The following CCDC88A variants were observed in gnomAD, a reference collection of about 807,000 sequenced individuals.
The protein encoded by CCDC88A is coiled-coil and HOOK domain protein 88A.
Under a neutral mutation model 234.3 loss-of-function variants are expected in CCDC88A, and 54 were observed. The ratio of observed to expected loss-of-function variants is 0.23; its 90% CI spans 0.19 to 0.29. The LOEUF (loss-of-function observed/expected upper bound fraction) is 0.29, where lower values mean the gene tolerates loss of function less well. Among genes scored for constraint, CCDC88A ranks in the 10% least tolerant of loss-of-function variants. The pLI, the probability that CCDC88A is intolerant of heterozygous loss-of-function variation, is 1.00. For synonymous variants in CCDC88A, 753 were observed against 737.8 expected, an observed-to-expected ratio of 1.02 and a Z score of -0.33; for missense variants, 1,832 against 2,123.4, an observed-to-expected ratio of 0.86 and a Z score of 2.70.
intron 3 of CCDC88A, among the ~76,000 whole-genome samples, chr2:55,376,186 T>C (rs1673635036): frequency 6.6e-6 from 1 of 152,180 alleles, no homozygotes; most frequent in Non-Finnish European, 1.5e-5. Flanking sequence ...ACACTGATGA[T>C]ATGCAAAGGG....
chr2:55,344,536 G>T, intron 10 of CCDC88A, 22 bp from the exon 11 acceptor site: 1 of 1,347,306 alleles, frequency 7.4e-7, no homozygotes, highest in Non-Finnish European at 1.0e-6. Flanking sequence ...TATCACAAAT[G>T]TGTTAATATC....
chr2:55,303,197 A>G (rs1681101897), intron 25 of CCDC88A, 45 bp from the exon 26 acceptor site: 2 of 1,167,134 alleles, frequency 1.7e-6, no homozygotes, highest in African/African-American at 3.1e-5. Context: ...GGGAGATGAA[A>G]GAAAAAAGGG....
intron 5 of CCDC88A, among the ~76,000 whole-genome samples, chr2:55,366,667 A>C (rs1672019603): frequency 6.6e-6 from 1 of 152,050 alleles, no homozygotes; most frequent in African/African-American, 2.4e-5. Context: ...TAAACCCTAA[A>C]GTTGTACATC....
intron 2 of CCDC88A, among the ~76,000 whole-genome samples, chr2:55,399,192 T>C (rs572094858): frequency 6.6e-6 from 1 of 152,130 alleles, no homozygotes; most frequent in Admixed American, 6.5e-5. Flanking sequence ...AATAGACACA[T>C]TATCCCTATA....
rs776574586 is a variant in CCDC88A, at chr2:55,346,307, G to A, written c.909C>T (p.Arg303=). 4.4e-6 allele frequency: 7 copies of A among 1,596,770 alleles called. No homozygotes were observed. The Admixed American group carries it at 5.1e-5, about 12-fold the overall frequency. ...QENMNLLSDA[R]SARMYRDELD... is the part of the protein sequence containing the mutation. The stretch of plus-strand genomic sequence containing the variant: ...ATTCATCTCGGTACATTCTGGCAGA[G>A]CGAGCATCCGAAAGCAAATTCATGT... Residue 303 remains arginine, a synonymous_variant, in exon 10 of 33, where the codon CGC becomes CGT. Coordinates refer to ENST00000436346, the MANE Select transcript of CCDC88A (RefSeq NM_001365480.1).
In CCDC88A at chr2:55,334,807, T is replaced by G. The variant is rs1408725395; in HGVS notation, c.2014A>C (p.Asn672His). ...TCCAATGTTTTTTTTAATTTTCTAT[T>G]TTCTCTTTCTAGCTCTGAATTTTCT... The part of the protein sequence containing the change: ...EQENSELERE[N>H]RKLKKTLDSF... The change falls in exon 15 of 33, where the codon AAT (asparagine) becomes CAT (histidine). Residue 672 changes from asparagine (N) to histidine (H), a missense_variant. By Grantham distance (68) the Asn-to-His change is moderately conservative. Coordinates refer to ENST00000436346, the MANE Select transcript of CCDC88A (RefSeq NM_001365480.1). This position sits in a 1 kb window ranked among gnomAD's most constrained non-coding sequence, Gnocchi z 6.1. 1 of 1,577,320 alleles carries G rather than the reference T, an allele frequency of 6.3e-7. No individual in the cohort carries two copies. The highest frequency in any genetic ancestry group is 1.9e-5 in the Admixed American group (1 of 53,838).
intron 7 of CCDC88A, among the ~76,000 whole-genome samples, chr2:55,360,023 G>A (rs1221549901): frequency 6.6e-6 from 1 of 152,066 alleles, no homozygotes; most frequent in Non-Finnish European, 1.5e-5. Context: ...ACTACTTGGG[G>A]CTCAAGTATC....
At chr2:55,299,773 T>C in intron 29 of CCDC88A, 66 bp downstream of exon 29, 1 of 1,046,218 alleles carries the variant, frequency 9.6e-7, no homozygotes, top group Non-Finnish European at 1.5e-6. Context: ...AGAAACTTCA[T>C]CCCATCTCCC....
At chr2:55,396,705 C>A (rs1036094573) in intron 2 of CCDC88A, among the ~76,000 whole-genome samples, 1 of 151,782 alleles carries the variant, frequency 6.6e-6, no homozygotes, top group African/African-American at 2.4e-5. Context: ...CTCATCTCTA[C>A]TAAAAATACA....
chr2:55,347,422 T>C (rs1669288228), intron 9 of CCDC88A, among the ~76,000 whole-genome samples: 1 of 152,100 alleles, frequency 6.6e-6, no homozygotes. Context: ...AGAGGCTACA[T>C]GGTGTGTGAC....
At chr2:55,314,811 G>A (rs1031884545) in intron 22 of CCDC88A, 1 of 152,232 alleles carries the variant, frequency 6.6e-6, no homozygotes, top group African/African-American at 2.4e-5. Flanking sequence ...TTGTATTCCA[G>A]AAACACCTGT....
rs1445676017 is a variant in CCDC88A, at chr2:55,317,903, C to CA, written c.3325-63dup. On this transcript the variant is annotated intron_variant, in intron 19 of 32. Transcript: ENST00000436346. This position sits in a 1 kb window ranked among gnomAD's most constrained non-coding sequence, Gnocchi z 4.2. Reference sequence around the variant, plus strand: ...ACAGTTCATGTTCTTTTTCAAAATACAAGATTACAATGTTAATTAAAGAAA... The same window carrying CA: ...ACAGTTCATGTTCTTTTTCAAAATACAAAGATTACAATGTTAATTAAAGAAA... 8.6e-7 allele frequency: 1 copy of CA among 1,160,398 alleles called. No homozygotes were observed. Among genetic ancestry groups the CA allele is most frequent in the Non-Finnish European group, 1.2e-6 (1 of 821,082 alleles). 71.9% of individuals were successfully genotyped at this position (1,160,398 alleles called of 1,614,324 possible).
At chr2:55,391,401 A>G (rs1185464469) in intron 2 of CCDC88A, among the ~76,000 whole-genome samples, 2 of 152,220 alleles carry the variant, frequency 1.3e-5, no homozygotes, top group Admixed American at 1.3e-4. Flanking sequence ...TAAAAAAATT[A>G]ATAGACACAA....
intron 31 of CCDC88A, chr2:55,292,040 T>C: frequency 3.5e-6 from 1 of 286,830 alleles, no homozygotes. Flanking sequence ...ATAGCCTTAC[T>C]ATGTTTATTT....
At chr2:55,330,777 T>A (rs1684823655) in intron 16 of CCDC88A, among the ~76,000 whole-genome samples, 1 of 152,222 alleles carries the variant, frequency 6.6e-6, no homozygotes, top group Non-Finnish European at 1.5e-5. Context: ...CCTAGACTAT[T>A]ATAATCACTT....
chr2:55,412,824 GT>G (rs1680709678), intron 2 of CCDC88A, among the ~76,000 whole-genome samples: 1 of 152,192 alleles, frequency 6.6e-6, no homozygotes, highest in Non-Finnish European at 1.5e-5. Context: ...TAACAATCCT[GT>G]GACTTTTTAT....
intron 25 of CCDC88A, among the ~76,000 whole-genome samples, chr2:55,303,736 C>T (rs750634519): frequency 1.3e-4 from 20 of 152,056 alleles, no homozygotes; most frequent in Admixed American, 3.9e-4. Flanking sequence ...AAAACAGGAA[C>T]TGATTAGAAT....
intron 2 of CCDC88A, chr2:55,406,066 G>A (rs1679507390): frequency 6.6e-6 from 1 of 151,646 alleles, no homozygotes; most frequent in Non-Finnish European, 1.5e-5. Flanking sequence ...GCTGAGGCAG[G>A]AGAATTGCTT....
chr2:55,398,029 T>G (rs972154807), intron 2 of CCDC88A, among the ~76,000 whole-genome samples: 6 of 152,010 alleles, frequency 3.9e-5, no homozygotes, highest in African/African-American at 1.2e-4. Context: ...AAAATAAAAT[T>G]TAAATATTTG....
Sources: allele counts gnomAD v4.1 joint callset (sites outside exome capture counted in the v4.1 genomes callset), GRCh38; gene constraint gnomAD v4.1.1; non-coding constraint Gnocchi (gnomAD v3.1); transcripts MANE v1.5; gene names NCBI Gene and HGNC (gene_info 2026-07-23, HGNC 2026-07-21).